The following PITPNC1 variants were observed in gnomAD, a reference collection of about 807,000 sequenced individuals.
The protein encoded by PITPNC1 is cytoplasmic phosphatidylinositol transfer protein 1.
A neutral mutation model predicts 44.7 loss-of-function variants in PITPNC1; 18 were observed. That is an observed-to-expected ratio of 0.40 (90% CI 0.28 to 0.60). PITPNC1 has a LOEUF of 0.60. Among genes scored for constraint, PITPNC1 ranks in the 20% least tolerant of loss-of-function variants. PITPNC1 has a pLI of 0.39. For missense variants in PITPNC1, 290 were observed against 418.4 expected (o/e 0.69, Z 2.68); for synonymous variants, 141 against 149.6 (o/e 0.94, Z 0.42).
At chr17:67,645,247 A>G (rs2042134367) in intron 6 of PITPNC1, among the ~76,000 whole-genome samples, 2 of 151,338 alleles carry the variant, frequency 1.3e-5, no homozygotes, top group Non-Finnish European at 2.9e-5. Context: ...AGCCTGAGGC[A>G]GGAGAATCAC....
intron 1 of PITPNC1, among the ~76,000 whole-genome samples, chr17:67,523,958 C>G (rs555326542): frequency 2.8e-4 from 42 of 152,000 alleles, no homozygotes; most frequent in Admixed American, 1.6e-3. Context: ...ATTACAGGTG[C>G]CTGCCACCAC....
At chr17:67,406,416 T>A (rs1355158872) in intron 1 of PITPNC1, among the ~76,000 whole-genome samples, 1 of 152,150 alleles carries the variant, frequency 6.6e-6, no homozygotes, top group Non-Finnish European at 1.5e-5. Flanking sequence ...ATACTTTCTG[T>A]CCTTATGGAT....
At chr17:67,518,644 A>AAAAC (rs149219731) in intron 1 of PITPNC1, among the ~76,000 whole-genome samples, 7,847 of 152,240 alleles carry the variant, frequency 0.052, 253 homozygotes, top group Middle Eastern at 0.11. Flanking sequence ...GGTTATCAAA[A>AAAAC]AAACAAACAA....
At chr17:67,543,978 G>C (rs1040890165) in intron 2 of PITPNC1, among the ~76,000 whole-genome samples, 4 of 152,194 alleles carry the variant, frequency 2.6e-5, no homozygotes, top group Admixed American at 6.5e-5. Flanking sequence ...AGCCTCCTGA[G>C]TAGCTGGGAT....
chr17:67,577,991 T>A (rs1007962167), intron 4 of PITPNC1, 195 bp from the exon 5 acceptor site: 1 of 623,670 alleles, frequency 1.6e-6, no homozygotes, highest in African/African-American at 1.8e-5. Flanking sequence ...CTGACCTCTG[T>A]CTGGATGAAA....
At chr17:67,426,218 G>C (rs2038762849) in intron 1 of PITPNC1, among the ~76,000 whole-genome samples, 1 of 152,170 alleles carries the variant, frequency 6.6e-6, no homozygotes. Flanking sequence ...CAAGACTCTA[G>C]AACCAGAAAT....
intron 5 of PITPNC1, among the ~76,000 whole-genome samples, chr17:67,614,655 G>C (rs186212524): frequency 3.6e-4 from 54 of 148,698 alleles, no homozygotes; most frequent in African/African-American, 1.3e-3. Context: ...CTGGGCAACA[G>C]AGTGAGACTC....
At chr17:67,467,019 A>G (rs1036150906) in intron 1 of PITPNC1, among the ~76,000 whole-genome samples, 2 of 149,542 alleles carry the variant, frequency 1.3e-5, no homozygotes, top group Admixed American at 1.3e-4. Flanking sequence ...TTTTCTTCCC[A>G]ATTTAGCTGA....
intron 5 of PITPNC1, among the ~76,000 whole-genome samples, chr17:67,586,169 T>A (rs1281507004): frequency 6.6e-6 from 1 of 152,182 alleles, no homozygotes; most frequent in East Asian, 1.9e-4. Flanking sequence ...ACGCAAGAGC[T>A]ATGGGGCCAT....
intron 1 of PITPNC1, chr17:67,378,929 CT>C: frequency 1.0e-6 from 1 of 978,872 alleles, no homozygotes; most frequent in Non-Finnish European, 1.2e-6. Flanking sequence ...GGGGCCGCGG[CT>C]GCCGGCTGGG....
intron 1 of PITPNC1, among the ~76,000 whole-genome samples, chr17:67,380,916 G>T (rs1318640085): frequency 6.6e-6 from 1 of 152,122 alleles, no homozygotes; most frequent in Non-Finnish European, 1.5e-5. Flanking sequence ...TGGGACAATA[G>T]GTGTGTGCTG....
chr17:67,463,625 C>T (rs372375554), intron 1 of PITPNC1, among the ~76,000 whole-genome samples: 12 of 152,118 alleles, frequency 7.9e-5, no homozygotes, highest in Non-Finnish European at 1.2e-4. Flanking sequence ...TTTGGCTAGG[C>T]GCAGTGCCTC....
intron 1 of PITPNC1, among the ~76,000 whole-genome samples, chr17:67,491,209 G>A (rs768773820): frequency 1.1e-4 from 17 of 152,258 alleles, no homozygotes; most frequent in African/African-American, 2.9e-4. Flanking sequence ...GCAGAGAGGC[G>A]TGTGAACGCA....
intron 2 of PITPNC1, among the ~76,000 whole-genome samples, chr17:67,550,112 A>AC (rs1355930422): frequency 6.6e-6 from 1 of 151,932 alleles, no homozygotes; most frequent in Admixed American, 6.6e-5. Context: ...AGCTATAAAA[A>AC]CCCCATCCTT....
chr17:67,464,620 C>T (rs376668311), intron 1 of PITPNC1, among the ~76,000 whole-genome samples: 2 of 152,026 alleles, frequency 1.3e-5, no homozygotes, highest in East Asian at 1.9e-4. Context: ...ATACAGTGGA[C>T]CAGGAGAAGA....
chr17:67,677,735 A>T (rs2042628716), intron 8 of PITPNC1, among the ~76,000 whole-genome samples: 1 of 151,296 alleles, frequency 6.6e-6, no homozygotes, highest in African/African-American at 2.4e-5. Context: ...CGCCCTGCTA[A>T]TTTTTTTTGT....
intron 1 of PITPNC1, among the ~76,000 whole-genome samples, chr17:67,528,247 G>A (rs1246196885): frequency 6.6e-6 from 1 of 152,060 alleles, no homozygotes; most frequent in East Asian, 1.9e-4. Flanking sequence ...TTGCCATGTT[G>A]GCCAGGCTGG....
intron 1 of PITPNC1, among the ~76,000 whole-genome samples, chr17:67,388,051 G>A (rs1266633795): frequency 6.6e-6 from 1 of 152,196 alleles, no homozygotes; most frequent in Non-Finnish European, 1.5e-5. Context: ...TGAATGAATG[G>A]ATAGGAAGAA....
chr17:67,687,108 A>G, intron 8 of PITPNC1: 4 of 1,612,656 alleles, frequency 2.5e-6, no homozygotes, highest in Middle Eastern at 1.7e-4. Flanking sequence ...AAAAACATGC[A>G]TGAACAAACC....
Sources: allele counts gnomAD v4.1 joint callset (sites outside exome capture counted in the v4.1 genomes callset), GRCh38; gene constraint gnomAD v4.1.1; transcripts MANE v1.5; gene names NCBI Gene and HGNC (gene_info 2026-07-23, HGNC 2026-07-21).